Variants in CAMTA1 observed in about 807,000 individuals in gnomAD.
CAMTA1 encodes the protein calmodulin-binding transcription activator 1.
Under a neutral mutation model 170.9 loss-of-function variants are expected in CAMTA1, and 27 were observed. That is an observed-to-expected ratio of 0.16 (90% CI 0.12 to 0.22). The LOEUF is 0.22. Among genes scored for constraint, CAMTA1 ranks in the 10% least tolerant of loss-of-function variants. The pLI is 1.00. For missense variants in CAMTA1, 1,619 were observed against 2,217.2 expected (o/e 0.73, Z 5.42); for synonymous variants, 833 against 891.5 (o/e 0.93, Z 1.17).
chr1:7,418,740 GGTCAGCGGCAACCCT>G (rs1437306862), intron 5 of CAMTA1, among the ~76,000 whole-genome samples: 1 of 152,134 alleles, frequency 6.6e-6, no homozygotes, highest in Non-Finnish European at 1.5e-5. Flanking sequence ...TGCCCATCTT[GGTCAGCGGCAACCCT>G]GTCCTTCCAA....
At chr1:7,602,137 TTC>T (rs2095451601) in intron 6 of CAMTA1, among the ~76,000 whole-genome samples, 1 of 140,556 alleles carries the variant, frequency 7.1e-6, no homozygotes, top group South Asian at 2.2e-4. Flanking sequence ...CCTTCCTTCC[TTC>T]CTTCCTCCCT....
intron 5 of CAMTA1, among the ~76,000 whole-genome samples, chr1:7,266,189 G>C (rs1035644113): frequency 1.3e-5 from 2 of 150,950 alleles, no homozygotes; most frequent in Non-Finnish European, 3.0e-5. Context: ...TCTGCAGAGC[G>C]GGGGCGTGCT....
chr1:6,814,755 C>T (rs968576970), intron 1 of CAMTA1, among the ~76,000 whole-genome samples: 4 of 152,250 alleles, frequency 2.6e-5, no homozygotes, highest in South Asian at 2.1e-4. Context: ...AAGATTCAGG[C>T]GCGGCTTTAA....
At chr1:7,360,571 G>A (rs558731967) in intron 5 of CAMTA1, among the ~76,000 whole-genome samples, 4 of 152,326 alleles carry the variant, frequency 2.6e-5, no homozygotes, top group South Asian at 2.1e-4. Flanking sequence ...GATCAAATGA[G>A]GTCAAAGATG....
Position 7,580,115 on chromosome 1 carries a change from G to T in CAMTA1, c.511-60285G>T, listed in dbSNP as rs1428714505. On this transcript the variant is annotated intron_variant, in intron 6 of 22. Coordinates refer to ENST00000303635, the MANE Select transcript of CAMTA1 (RefSeq NM_015215.4). The surrounding 1 kb of genome is among the most constrained non-coding windows in gnomAD (Gnocchi z 4.3). The stretch of plus-strand genomic sequence containing the variant: ...AGCTGGGCCTTGCGGACCACAGGGA[G>T]CATCCCTGCCCACAGCGGGCTCACA... Among the ~76,000 whole-genome samples, 1 of 152,282 alleles carries T rather than the reference G, an allele frequency of 6.6e-6. No homozygotes were observed.
intron 6 of CAMTA1, among the ~76,000 whole-genome samples, chr1:7,480,173 TTG>T (rs1054050417): frequency 1.6e-5 from 2 of 127,854 alleles, no homozygotes; most frequent in African/African-American, 6.3e-5. Flanking sequence ...GTGTGTGTGC[TTG>T]TGTCTCAGTG....
At chr1:7,240,335 A>G (rs186043556) in intron 4 of CAMTA1, among the ~76,000 whole-genome samples, 27 of 152,044 alleles carry the variant, frequency 1.8e-4, no homozygotes, top group Non-Finnish European at 2.9e-4. Context: ...TTATTTTTTT[A>G]GTTTTCAAAA....
At chr1:7,378,953 C>T (rs1444226964) in intron 5 of CAMTA1, among the ~76,000 whole-genome samples, 3 of 152,206 alleles carry the variant, frequency 2.0e-5, no homozygotes, top group South Asian at 4.2e-4. Context: ...ACCCCATCCC[C>T]ATCCCCACTC....
chr1:7,317,443 AG>A (rs1214136957), intron 5 of CAMTA1, among the ~76,000 whole-genome samples: 1 of 152,236 alleles, frequency 6.6e-6, no homozygotes, highest in African/African-American at 2.4e-5. Context: ...AATCACTGTG[AG>A]GGTTCAGTGA....
intron 3 of CAMTA1, among the ~76,000 whole-genome samples, chr1:6,923,575 C>T (rs1200544604): frequency 6.6e-6 from 1 of 152,160 alleles, no homozygotes. Context: ...TCAAGGTCCA[C>T]AGGTGTGAAA....
At chr1:7,704,035 C>A (rs2096473988) in intron 11 of CAMTA1, among the ~76,000 whole-genome samples, 1 of 151,962 alleles carries the variant, frequency 6.6e-6, no homozygotes, top group African/African-American at 2.4e-5. Context: ...TCCCCGCCCA[C>A]CGTCCTCCGC....
chr1:7,096,880 C>G (rs1011532583), intron 4 of CAMTA1, among the ~76,000 whole-genome samples: 1 of 152,174 alleles, frequency 6.6e-6, no homozygotes, highest in African/African-American at 2.4e-5. Context: ...GAGGTTGACT[C>G]TCCAGTGATG....
At chr1:6,830,719 T>G (rs1480443282) in intron 3 of CAMTA1, among the ~76,000 whole-genome samples, 1 of 152,184 alleles carries the variant, frequency 6.6e-6, no homozygotes, top group Admixed American at 6.5e-5. Context: ...TTCAATGAGT[T>G]TTTGACAAGT....
chr1:7,069,905 G>A (rs1462634282), intron 3 of CAMTA1, among the ~76,000 whole-genome samples: 1 of 152,206 alleles, frequency 6.6e-6, no homozygotes, highest in Non-Finnish European at 1.5e-5. Flanking sequence ...AAAAAGCATT[G>A]TGCAGCTGAG....
In CAMTA1 at chr1:7,146,975, AC is replaced by A. The variant is rs1646230584; in HGVS notation, c.302+55605del. Among the ~76,000 whole-genome samples, 1 of 151,870 alleles carries A rather than the reference AC, an allele frequency of 6.6e-6. No homozygotes were observed. Reference sequence around the variant, plus strand: ...ACATTCAAACATATGCCGTGCACACACACAGAAAGTTACAGCACGCACACAC... The same window carrying A: ...ACATTCAAACATATGCCGTGCACACAACAGAAAGTTACAGCACGCACACAC... On this transcript the variant is annotated intron_variant, in intron 4 of 22. Coordinates refer to ENST00000303635, the MANE Select transcript of CAMTA1 (RefSeq NM_015215.4). This position sits in a 1 kb window ranked among gnomAD's most constrained non-coding sequence, Gnocchi z 4.3.
chr1:7,566,501 C>A (rs958799335), intron 6 of CAMTA1, among the ~76,000 whole-genome samples: 1 of 152,142 alleles, frequency 6.6e-6, no homozygotes, highest in African/African-American at 2.4e-5. Context: ...CCCTGCCTCG[C>A]TTCCTTTCTT....
In CAMTA1 at chr1:7,594,105, AAGAAAGAAAGAG is replaced by A. The variant is rs1240246848; in HGVS notation, c.511-46283_511-46272del. ...AGAGAGAGAGAGAGAGGAAAGAAGA[AAGAAAGAAAGAG>A]AGAAAGAAAGAAAGAAAGAAAGAAG... On this transcript the variant is annotated intron_variant, in intron 6 of 22. Transcript: ENST00000303635. 1.2e-4 allele frequency among the ~76,000 whole-genome samples: 18 copies of A among 149,382 alleles called. No homozygotes were observed. In the South Asian group the frequency reaches 3.9e-3, roughly 32 times the overall value.
At position 7,426,856 on chromosome 1, in the gene CAMTA1, TC is replaced by T. The variant is rs1468106997; in HGVS notation, c.439-40972del. On this transcript the variant is annotated intron_variant, in intron 5 of 22. Coordinates refer to ENST00000303635, the MANE Select transcript of CAMTA1 (RefSeq NM_015215.4). This position sits in a 1 kb window ranked among gnomAD's most constrained non-coding sequence, Gnocchi z 4.8. ...AGAGTTAAAAAGACCTGAACGGCTG[TC>T]CTCCTGGGAGTCAGGTTGAGATGAA... 6.6e-6 allele frequency among the ~76,000 whole-genome samples: 1 copy of T among 152,208 alleles called. No individual in the cohort carries two copies. Among genetic ancestry groups the T allele is most frequent in the African/African-American group, 2.4e-5 (1 of 41,460 alleles).
chr1:7,111,337 C>T (rs1226947811), intron 4 of CAMTA1, among the ~76,000 whole-genome samples: 1 of 152,214 alleles, frequency 6.6e-6, no homozygotes, highest in Non-Finnish European at 1.5e-5. Context: ...GAGAGGGGTA[C>T]ATGATTCTGC....
Sources: allele counts gnomAD v4.1 joint callset (sites outside exome capture counted in the v4.1 genomes callset), GRCh38; gene constraint gnomAD v4.1.1; non-coding constraint Gnocchi (gnomAD v3.1); transcripts MANE v1.5; gene names NCBI Gene and HGNC (gene_info 2026-07-23, HGNC 2026-07-21).